CAPN2: variants seen among roughly 807,000 people sequenced by gnomAD.
CAPN2 encodes calpain 2.
CAPN2 carries 92 observed loss-of-function variants against 102.3 expected under a neutral mutation model. The observed-to-expected ratio is 0.90, with a 90% CI of 0.76 to 1.07. CAPN2 has a LOEUF of 1.07. Among genes scored for constraint, CAPN2 ranks in the 50% least tolerant of loss-of-function variants. CAPN2 has a pLI of 0.00. For synonymous variants in CAPN2, 340 were observed against 355.4 expected, an observed-to-expected ratio of 0.96 and a Z score of 0.49; for missense variants, 800 against 909.4, an observed-to-expected ratio of 0.88 and a Z score of 1.55.
At position 223,755,438 on chromosome 1, in the gene CAPN2, T is replaced by C; in HGVS notation, c.1136-42T>C. On this transcript the variant is annotated intron_variant, in intron 9 of 20. Coordinates refer to ENST00000295006, the MANE Select transcript of CAPN2 (RefSeq NM_001748.5). This position sits in a 1 kb window ranked among gnomAD's most constrained non-coding sequence, Gnocchi z 4.1. ...AGGGCCACCCCCCACCCCCATGCAT[T>C]CCTGCTCAGGGCTGGGCTCCTCTGC... is the stretch of plus-strand genomic sequence containing the variant. 6.2e-7 allele frequency: 1 copy of C among 1,607,526 alleles called. No individual in the cohort carries two copies. Among genetic ancestry groups the C allele is most frequent in the Non-Finnish European group, 8.5e-7 (1 of 1,176,118 alleles).
In CAPN2 at chr1:223,774,911, T is replaced by A. The variant is rs759625262; in HGVS notation, c.*54T>A. The A allele has an allele frequency of 6.8e-7, 1 of 1,476,772 alleles. No individual in the cohort carries two copies. The highest frequency in any genetic ancestry group is 9.4e-7 in the Non-Finnish European group (1 of 1,059,560). 91.5% of individuals were successfully genotyped at this position (1,476,772 alleles called of 1,614,324 possible). ...TCATGATGGAAAATCAGCCAAGGAC[T>A]AAGCTTCCATAGAAATACACTTTGT... is the stretch of plus-strand genomic sequence containing the variant. On this transcript the variant is annotated 3_prime_UTR_variant, in exon 21 of 21. Coordinates refer to ENST00000295006, the MANE Select transcript of CAPN2 (RefSeq NM_001748.5).
intron 10 of CAPN2, 44 bp from the exon 11 acceptor site, chr1:223,757,325 C>A: frequency 6.2e-7 from 1 of 1,612,710 alleles, no homozygotes; most frequent in South Asian, 1.1e-5. Flanking sequence ...CATTTTCTTA[C>A]ACTGCTTTTC....
At chr1:223,713,150 G>A (rs1398311205) in intron 1 of CAPN2, among the ~76,000 whole-genome samples, 2 of 152,142 alleles carry the variant, frequency 1.3e-5, no homozygotes, top group East Asian at 3.9e-4. Context: ...CCACTAGCAG[G>A]CCACTTTAGG....
chr1:223,712,089 C>T (rs1389670284), upstream of CAPN2, among the ~76,000 whole-genome samples: 1 of 152,196 alleles, frequency 6.6e-6, no homozygotes, highest in African/African-American at 2.4e-5. Flanking sequence ...GGGACAATAT[C>T]AGCGCCTTCT....
chr1:223,746,970 G>T lies in CAPN2; in HGVS notation c.561-27G>T, dbSNP rs1184691400. On this transcript the variant is annotated intron_variant, in intron 4 of 20. Transcript: ENST00000295006. ...TATAGCATCAGTAGTGTCAAGGGTA[G>T]CGGCAGCGTCTAATCCCCTCTTGTA... The T allele has an allele frequency of 3.1e-6, 5 of 1,601,294 alleles. No homozygotes were observed. The South Asian group carries it at 4.4e-5, about 14-fold the overall frequency.
chr1:223,749,299 G>T, intron 6 of CAPN2, 177 bp downstream of exon 6: 2 of 603,624 alleles, frequency 3.3e-6, no homozygotes, highest in East Asian at 5.7e-5. Flanking sequence ...CAGCTCGGGC[G>T]CCGGGTGCGC....
intron 2 of CAPN2, among the ~76,000 whole-genome samples, chr1:223,742,258 G>A (rs1166536344): frequency 6.6e-6 from 1 of 151,920 alleles, no homozygotes; most frequent in Non-Finnish European, 1.5e-5. Context: ...CAAGCATGGT[G>A]GCAGGTGCCT....
chr1:223,718,300 G>A (rs1251951894), intron 2 of CAPN2, among the ~76,000 whole-genome samples: 2 of 152,268 alleles, frequency 1.3e-5, no homozygotes, highest in Non-Finnish European at 2.9e-5. Flanking sequence ...GCTCGCTGCT[G>A]AAGGAAGTTA....
intron 2 of CAPN2, among the ~76,000 whole-genome samples, chr1:223,721,455 C>T (rs6671436): frequency 0.011 from 1,602 of 152,334 alleles, 24 homozygotes; most frequent in African/African-American, 0.036. Context: ...AAGGCAGCTA[C>T]CCCAGCCAGG....
chr1:223,769,867 G>A lies in CAPN2; in HGVS notation c.1782G>A (p.Leu594=). 3 of 1,609,122 alleles carry A rather than the reference G, an allele frequency of 1.9e-6. No individual in the cohort carries two copies. The highest frequency in any genetic ancestry group is 2.5e-6 in the Non-Finnish European group (3 of 1,177,616). Reference sequence around the variant, plus strand: ...CGGACGGGAGTGGCAAGCTGGGGCTGAAGGAGTTCTACATTCTCTGGACGA... The same window carrying A: ...CGGACGGGAGTGGCAAGCTGGGGCTAAAGGAGTTCTACATTCTCTGGACGA... ...LDSDGSGKLG[L]KEFYILWTKI... The change falls in exon 17 of 21, where the codon CTG becomes CTA. Residue 594 remains leucine (L), a synonymous_variant. Coordinates refer to ENST00000295006, the MANE Select transcript of CAPN2 (RefSeq NM_001748.5).
chr1:223,713,064 G>T (rs965323764), intron 1 of CAPN2, among the ~76,000 whole-genome samples, 187 bp downstream of exon 1: 2 of 152,198 alleles, frequency 1.3e-5, no homozygotes, highest in Non-Finnish European at 2.9e-5. Context: ...AGCGTGGGGG[G>T]ACTCCCGGGG....
chr1:223,734,371 C>T (rs1190325751), intron 2 of CAPN2, among the ~76,000 whole-genome samples: 1 of 152,122 alleles, frequency 6.6e-6, no homozygotes, highest in African/African-American at 2.4e-5. Flanking sequence ...CTGCAAACTC[C>T]ACCTCCTGGG....
chr1:223,736,637 G>A (rs1222144), intron 2 of CAPN2, among the ~76,000 whole-genome samples: 150,816 of 152,334 alleles, frequency 0.99, 74,673 homozygotes, highest in Non-Finnish European at 1. Flanking sequence ...ATCTTCCCCA[G>A]TAAGCCTGCT....
upstream of CAPN2, among the ~76,000 whole-genome samples, chr1:223,710,830 C>T (rs28739570): frequency 2.0e-5 from 3 of 150,162 alleles, no homozygotes; most frequent in South Asian, 2.2e-4. Flanking sequence ...CACCACCCCC[C>T]GCCACTTTGA....
chr1:223,763,829 C>A (rs1472207378), intron 14 of CAPN2, among the ~76,000 whole-genome samples: 1 of 152,168 alleles, frequency 6.6e-6, no homozygotes, highest in Non-Finnish European at 1.5e-5. Context: ...AATCCCAGCA[C>A]TTTGGGAGGC....
chr1:223,749,159 C>T (rs749217943), intron 6 of CAPN2, 37 bp downstream of exon 6: 13 of 1,567,696 alleles, frequency 8.3e-6, no homozygotes, highest in African/African-American at 1.3e-5. Context: ...GTCCTGCTGT[C>T]CTGACACGAT....
Position 223,738,975 on chromosome 1 carries a change from C to T in CAPN2, c.308-5125C>T, listed in dbSNP as rs549407992. On this transcript the variant is annotated intron_variant, in intron 2 of 20. Transcript: ENST00000295006. Reference sequence around the variant, plus strand: ...CCAGCAGCCATAGGCCCTGGGCCCCCGGTGAGATACCCATAGAGATCAGCT... The same window carrying T: ...CCAGCAGCCATAGGCCCTGGGCCCCTGGTGAGATACCCATAGAGATCAGCT... Among the ~76,000 whole-genome samples, 401 of 152,240 alleles carry T rather than the reference C, an allele frequency of 2.6e-3. 1 individual carries two copies. The highest frequency in any genetic ancestry group is 4.4e-3 in the Non-Finnish European group (298 of 68,020).
At chr1:223,739,795 G>A (rs531743304) in intron 2 of CAPN2, among the ~76,000 whole-genome samples, 3 of 152,288 alleles carry the variant, frequency 2.0e-5, no homozygotes, top group East Asian at 1.9e-4. Context: ...AGAGGCCTCC[G>A]TCACTGGAAG....
intron 2 of CAPN2, among the ~76,000 whole-genome samples, chr1:223,735,833 G>T (rs1035739286): frequency 7.9e-5 from 12 of 151,922 alleles, no homozygotes; most frequent in African/African-American, 2.2e-4. Context: ...AGGCTGGAGT[G>T]AAGTGACGTA....
Sources: allele counts gnomAD v4.1 joint callset (sites outside exome capture counted in the v4.1 genomes callset), GRCh38; gene constraint gnomAD v4.1.1; non-coding constraint Gnocchi (gnomAD v3.1); transcripts MANE v1.5; gene names NCBI Gene and HGNC (gene_info 2026-07-23, HGNC 2026-07-21).